IARS2: variants seen among roughly 807,000 people sequenced by gnomAD.
IARS2 encodes the protein isoleucine--tRNA ligase, mitochondrial.
In IARS2, 56 loss-of-function variants were observed where a neutral mutation model predicts 126.3. The ratio of observed to expected loss-of-function variants is 0.44; its 90% CI spans 0.36 to 0.55. The LOEUF (loss-of-function observed/expected upper bound fraction) is 0.55. IARS2 is among the 20% of genes least tolerant of loss of function. The probability of loss-of-function intolerance (pLI) is 0.00; values close to 1 mark genes in which losing one functional copy is unlikely to be tolerated. For synonymous variants in IARS2, 407 were observed against 441.1 expected, an observed-to-expected ratio of 0.92 and a Z score of 0.97; for missense variants, 1,127 against 1,245.9, an observed-to-expected ratio of 0.90 and a Z score of 1.44.
chr1:220,137,109 G>A (rs2102838827), intron 16 of IARS2, among the ~76,000 whole-genome samples, 198 bp downstream of exon 16: 1 of 152,270 alleles, frequency 6.6e-6, no homozygotes, highest in Non-Finnish European at 1.5e-5. Context: ...CTCCAGTTAG[G>A]TCCCAAACCA....
rs553327492 is a variant in IARS2 at position 220,137,555 on chromosome 1, T to G, written c.2050-363T>G. The G allele has an allele frequency of 1.2e-3, 213 of 173,272 alleles. 1 individual carries two copies. The highest frequency in any genetic ancestry group is 4.5e-3 in the Admixed American group (78 of 17,286). 10.7% of individuals were successfully genotyped at this position (173,272 alleles called of 1,614,324 possible). On this transcript the variant is annotated intron_variant, in intron 16 of 22. Coordinates refer to ENST00000366922, the MANE Select transcript of IARS2 (RefSeq NM_018060.4). ...TTCATTGTTTTGTGTACAGAGTTGC[T>G]AGGAAATAGTGAAAGGAAAAGCAGT... is the stretch of plus-strand genomic sequence containing the variant.
chr1:220,119,307 A>G (rs980518591), intron 12 of IARS2, among the ~76,000 whole-genome samples: 1 of 152,084 alleles, frequency 6.6e-6, no homozygotes, highest in African/African-American at 2.4e-5. Flanking sequence ...TGATGGATTT[A>G]TTGCTTTATG....
At chr1:220,098,508 G>T (rs371785893) in intron 2 of IARS2, among the ~76,000 whole-genome samples, 7 of 152,240 alleles carry the variant, frequency 4.6e-5, no homozygotes, top group East Asian at 3.9e-4. Context: ...TCCATAGTGT[G>T]TGATATGTTG....
At chr1:220,115,222 A>G (rs1316591605) in intron 12 of IARS2, among the ~76,000 whole-genome samples, 1 of 152,196 alleles carries the variant, frequency 6.6e-6, no homozygotes, top group African/African-American at 2.4e-5. Context: ...ATCACTACAC[A>G]TAGATCAGCC....
At chr1:220,130,782 G>A (rs1476962123) in intron 14 of IARS2, among the ~76,000 whole-genome samples, 1 of 152,202 alleles carries the variant, frequency 6.6e-6, no homozygotes, top group East Asian at 1.9e-4. Context: ...TGGGGTAGGG[G>A]TTTATTTTCA....
chr1:220,134,768 G>GT (rs57598038), intron 15 of IARS2: 2,814 of 151,440 alleles, frequency 0.019, 4 homozygotes, highest in Middle Eastern at 0.026. Flanking sequence ...TGTTGTTGTT[G>GT]TTTTTTTTTT....
At chr1:220,099,704 GAGTT>G (rs1456308354) in intron 2 of IARS2, among the ~76,000 whole-genome samples, 4 of 152,142 alleles carry the variant, frequency 2.6e-5, no homozygotes, top group Non-Finnish European at 5.9e-5. Context: ...AATTTCCAAA[GAGTT>G]AAGTAGAAAG....
chr1:220,098,704 G>A (rs1656502915), intron 2 of IARS2, among the ~76,000 whole-genome samples: 1 of 152,158 alleles, frequency 6.6e-6, no homozygotes, highest in African/African-American at 2.4e-5. Context: ...AAAGTATGGA[G>A]GAACTTTTTT....
chr1:220,144,414 T>C, intron 21 of IARS2: 1 of 550,048 alleles, frequency 1.8e-6, no homozygotes, highest in Non-Finnish European at 3.2e-6. Flanking sequence ...GTCAGTTTTC[T>C]AAAAAACATC....
chr1:220,140,319 A>G (rs772429532), intron 19 of IARS2, 30 bp downstream of exon 19: 3 of 1,340,278 alleles, frequency 2.2e-6, no homozygotes. Flanking sequence ...AAAATGCTTA[A>G]CAATGGCCAG....
At chr1:220,102,329 T>C in intron 4 of IARS2, 34 bp from the exon 5 acceptor site, 1 of 1,609,276 alleles carries the variant, frequency 6.2e-7, no homozygotes, top group Non-Finnish European at 8.5e-7. Flanking sequence ...GTTACAAGAT[T>C]CTACTTTTAA....
intron 21 of IARS2, chr1:220,144,498 A>G (rs1657552031): frequency 2.1e-6 from 1 of 478,236 alleles, no homozygotes; most frequent in Admixed American, 3.8e-5. Context: ...TTGAGCTTGA[A>G]ATAGCTAGTA....
chr1:220,115,775 G>C (rs1272140206), intron 12 of IARS2, among the ~76,000 whole-genome samples: 1 of 152,134 alleles, frequency 6.6e-6, no homozygotes, highest in East Asian at 1.9e-4. Flanking sequence ...CTGTGTGTGA[G>C]ACTGAGGAAT....
At chr1:220,110,436 G>A (rs950486117) in intron 10 of IARS2, among the ~76,000 whole-genome samples, 4 of 152,052 alleles carry the variant, frequency 2.6e-5, no homozygotes, top group South Asian at 2.1e-4. Flanking sequence ...CACGATCTCG[G>A]CTCACTGCAA....
intron 18 of IARS2, 94 bp downstream of exon 18, chr1:220,139,233 G>C: frequency 1.1e-6 from 1 of 911,334 alleles, no homozygotes; most frequent in Non-Finnish European, 1.6e-6. Flanking sequence ...AGACCTTGCT[G>C]GAAATAGTAA....
At chr1:220,123,052 C>G (rs931954305) in intron 12 of IARS2, among the ~76,000 whole-genome samples, 2 of 150,568 alleles carry the variant, frequency 1.3e-5, no homozygotes, top group Non-Finnish European at 3.0e-5. Context: ...TGTAAATGTA[C>G]TTTACTAGTA....
intron 14 of IARS2, among the ~76,000 whole-genome samples, chr1:220,132,886 T>G (rs1023418407): frequency 1.3e-5 from 2 of 152,200 alleles, no homozygotes; most frequent in Admixed American, 6.5e-5. Context: ...ATTTTCTTAG[T>G]CTAGCTAAAG....
At chr1:220,145,791 A>C in intron 22 of IARS2, 138 bp downstream of exon 22, 1 of 725,094 alleles carries the variant, frequency 1.4e-6, no homozygotes. Context: ...AATAATAAAA[A>C]CAATTGCCAA....
chr1:220,115,004 G>C (rs1401484245), intron 12 of IARS2, among the ~76,000 whole-genome samples: 1 of 151,288 alleles, frequency 6.6e-6, no homozygotes, highest in East Asian at 1.9e-4. Context: ...TAGTAGAAAA[G>C]CTTGTACACT....
Sources: allele counts gnomAD v4.1 joint callset (sites outside exome capture counted in the v4.1 genomes callset), GRCh38; gene constraint gnomAD v4.1.1; transcripts MANE v1.5; gene names NCBI Gene and HGNC (gene_info 2026-07-23, HGNC 2026-07-21).